The following SCAMP1 variants were observed in gnomAD, a reference collection of about 807,000 sequenced individuals.
The protein encoded by SCAMP1 is secretory carrier-associated membrane protein 1.
In SCAMP1, 15 loss-of-function variants were observed where a neutral mutation model predicts 41.8. The ratio of observed to expected loss-of-function variants is 0.36; its 90% CI spans 0.24 to 0.55. The LOEUF is 0.55. Among genes scored for constraint, SCAMP1 ranks in the 20% least tolerant of loss-of-function variants. The pLI, the probability that SCAMP1 is intolerant of heterozygous loss-of-function variation, is 0.86. For synonymous variants in SCAMP1, 135 were observed against 136.8 expected (o/e 0.99, Z 0.09); for missense variants, 341 against 412.6 (o/e 0.83, Z 1.50).
rs536592763 is a variant in SCAMP1 at position 78,480,180 on chromosome 5, T to C, written c.*4512T>C. Among the ~76,000 whole-genome samples, 1 of 152,348 alleles carries C rather than the reference T, an allele frequency of 6.6e-6. No homozygotes were observed. The highest frequency in any genetic ancestry group is 2.1e-4 in the South Asian group (1 of 4,826). ...AAATCCTGATTTATTTTTCAGTTCATATCTTTCTGGGCTTGACATGGCTGA... is the reference window on the plus strand; with the variant it reads ...AAATCCTGATTTATTTTTCAGTTCACATCTTTCTGGGCTTGACATGGCTGA... On this transcript the variant is annotated 3_prime_UTR_variant, in exon 9 of 9. Transcript: ENST00000621999.
At chr5:78,430,463 A>G (rs1366378588) in intron 6 of SCAMP1, among the ~76,000 whole-genome samples, 1 of 151,464 alleles carries the variant, frequency 6.6e-6, no homozygotes, top group Non-Finnish European at 1.5e-5. Flanking sequence ...AGATTGAAAA[A>G]CTATGGTTCA....
chr5:78,425,065 TG>T (rs2112154531), intron 6 of SCAMP1, among the ~76,000 whole-genome samples: 1 of 152,316 alleles, frequency 6.6e-6, no homozygotes, highest in East Asian at 1.9e-4. Flanking sequence ...GGTGAATAAA[TG>T]GTAGCTGTAA....
chr5:78,459,272 C>G lies in SCAMP1; in HGVS notation c.762C>G (p.Leu254=). Residue 254 remains leucine, a synonymous_variant, in exon 8 of 9, where the codon CTC becomes CTG. Transcript: ENST00000621999. ...GTTGGATTTCATCCCTTACTGGTCT[C>G]AACCAAAATATTCCTGTTGGAATCA... ...NCGWISSLTG[L]NQNIPVGIMM... 1 of 1,600,638 alleles carries G rather than the reference C, an allele frequency of 6.2e-7. No homozygotes were observed. Among genetic ancestry groups the G allele is most frequent in the South Asian group, 1.1e-5 (1 of 90,216 alleles).
Position 78,404,453 on chromosome 5 carries a change from G to GTTTTTTTTTTTTTTTTTTTTTTTT in SCAMP1, c.136-11047_136-11046insTTTTTTTTTTTTTTTTTTTTTTTT, listed in dbSNP as rs3058233. On this transcript the variant is annotated intron_variant, in intron 2 of 8. Transcript: ENST00000621999. ...TGAGCCACTGTGCCCAGCCTTACAG[G>GTTTTTTTTTTTTTTTTTTTTTTTT]TTTTTTTTTTTTTTTTTTTTGCTAG... Among the ~76,000 whole-genome samples the GTTTTTTTTTTTTTTTTTTTTTTTT allele has an allele frequency of 6.3e-4, 62 of 98,176 alleles. 5 individuals carry two copies. The highest frequency in any genetic ancestry group is 2.4e-3 in the African/African-American group (54 of 22,236). The allele number at this position is 98,176 out of a possible 152,430, so 64.4% of individuals were successfully genotyped here.
Position 78,476,133 on chromosome 5 carries a change from CTT to C in SCAMP1, c.*469_*470del, listed in dbSNP as rs1176318471. 6.6e-6 allele frequency: 1 copy of C among 152,460 alleles called. No homozygotes were observed. Among genetic ancestry groups the C allele is most frequent in the African/African-American group, 2.4e-5 (1 of 41,400 alleles). 9.4% of individuals were successfully genotyped at this position (152,460 alleles called of 1,614,324 possible). A position where few individuals can be genotyped will look rare whatever the true frequency, so the allele number is the denominator to read the frequency against. On this transcript the variant is annotated 3_prime_UTR_variant, in exon 9 of 9. Coordinates refer to ENST00000621999, the MANE Select transcript of SCAMP1 (RefSeq NM_004866.6). ...GACTTAGGGATTTTAAATTGGCTTG[CTT>C]TTTAGCTGTTTCAGTCACCAGTGAA...
At chr5:78,427,461 C>G (rs1177454806) in intron 6 of SCAMP1, among the ~76,000 whole-genome samples, 4 of 152,120 alleles carry the variant, frequency 2.6e-5, no homozygotes, top group Admixed American at 1.3e-4. Flanking sequence ...GATCAAAAAT[C>G]CAAACTGTAA....
chr5:78,361,286 C>G (rs374588594), intron 1 of SCAMP1, among the ~76,000 whole-genome samples: 1 of 151,980 alleles, frequency 6.6e-6, no homozygotes, highest in Non-Finnish European at 1.5e-5. Context: ...CACCCAAATA[C>G]CACCAGTGGC....
rs5868918 is a variant in SCAMP1 at position 78,361,233 on chromosome 5, TA to T, written c.57+516del. On this transcript the variant is annotated intron_variant, in intron 1 of 8. Coordinates refer to ENST00000621999, the MANE Select transcript of SCAMP1 (RefSeq NM_004866.6). The stretch of plus-strand genomic sequence containing the variant: ...GTGAGGGCACCGAGTATGCTGCAAT[TA>T]AAAAAAAAAAGGTTATGTTTTTATT... Among the ~76,000 whole-genome samples the T allele has an allele frequency of 1.1e-3, 164 of 147,538 alleles. 3 individuals are homozygous for T. Among genetic ancestry groups the T allele is most frequent in the Admixed American group, 7.3e-3 (108 of 14,874 alleles).
chr5:78,401,293 TA>T (rs1751791001), intron 2 of SCAMP1, among the ~76,000 whole-genome samples: 3 of 152,140 alleles, frequency 2.0e-5, no homozygotes. Flanking sequence ...TATTGATCTA[TA>T]GTTTTTTTGT....
chr5:78,395,721 C>T (rs1751633921), intron 2 of SCAMP1, among the ~76,000 whole-genome samples: 1 of 152,208 alleles, frequency 6.6e-6, no homozygotes, highest in Non-Finnish European at 1.5e-5. Context: ...ATTGTAGATG[C>T]TGTCCACAGC....
intron 7 of SCAMP1, among the ~76,000 whole-genome samples, chr5:78,453,767 T>C (rs1753306347): frequency 6.6e-6 from 1 of 152,202 alleles, no homozygotes; most frequent in Non-Finnish European, 1.5e-5. Context: ...ATCTGTAAAT[T>C]ACCTTGGGCA....
chr5:78,384,235 A>T (rs1304134919), intron 1 of SCAMP1, among the ~76,000 whole-genome samples: 1 of 89,916 alleles, frequency 1.1e-5, no homozygotes, highest in South Asian at 3.5e-4. Context: ...TTTGATTCTT[A>T]GATTGGTTGC....
intron 7 of SCAMP1, 40 bp from the exon 8 acceptor site, chr5:78,459,205 C>T: frequency 1.1e-6 from 1 of 916,288 alleles, no homozygotes; most frequent in East Asian, 2.5e-5. Flanking sequence ...AAAAAGTTTA[C>T]ATCAACTTTT....
chr5:78,430,763 A>G (rs1483094909), intron 6 of SCAMP1, among the ~76,000 whole-genome samples: 2 of 152,066 alleles, frequency 1.3e-5, no homozygotes, highest in Non-Finnish European at 2.9e-5. Context: ...ACTTTATTAT[A>G]TTTACATTAT....
intron 3 of SCAMP1, 119 bp from the exon 4 acceptor site, chr5:78,416,422 C>A (rs1191904758): frequency 3.0e-6 from 2 of 666,152 alleles, no homozygotes; most frequent in African/African-American, 1.9e-5. Flanking sequence ...AATTCCTGTA[C>A]TTTGGAAGTG....
intron 2 of SCAMP1, among the ~76,000 whole-genome samples, chr5:78,394,825 C>A (rs185567771): frequency 6.6e-6 from 1 of 152,274 alleles, no homozygotes; most frequent in African/African-American, 2.4e-5. Context: ...GCTAGAAATA[C>A]CCGATTTGTC....
chr5:78,391,954 G>A (rs11750161), intron 2 of SCAMP1, among the ~76,000 whole-genome samples: 5 of 152,234 alleles, frequency 3.3e-5, no homozygotes, highest in African/African-American at 1.2e-4. Flanking sequence ...CGAGATGGCA[G>A]CAGTACAGTC....
At chr5:78,452,192 T>C (rs1434084072) in intron 7 of SCAMP1, among the ~76,000 whole-genome samples, 1 of 152,090 alleles carries the variant, frequency 6.6e-6, no homozygotes, top group Non-Finnish European at 1.5e-5. Context: ...TTTCTTTTTT[T>C]TTTTATTATA....
intron 6 of SCAMP1, among the ~76,000 whole-genome samples, chr5:78,431,450 AT>A (rs1229458923): frequency 4.0e-5 from 6 of 150,686 alleles, no homozygotes; most frequent in Non-Finnish European, 7.4e-5. Context: ...ATAATTACTT[AT>A]CTGCTTGGAT....
Sources: allele counts gnomAD v4.1 joint callset (sites outside exome capture counted in the v4.1 genomes callset), GRCh38; gene constraint gnomAD v4.1.1; transcripts MANE v1.5; gene names NCBI Gene and HGNC (gene_info 2026-07-23, HGNC 2026-07-21).